Variants in MTREX observed in about 807,000 individuals in gnomAD.
MTREX encodes Mtr4 exosome RNA helicase.
Under a neutral mutation model 135.4 loss-of-function variants are expected in MTREX, and 76 were observed. The ratio of observed to expected loss-of-function variants is 0.56; its 90% confidence interval spans 0.47 to 0.68. The LOEUF is 0.68. Among genes scored for constraint, MTREX ranks in the 30% least tolerant of loss-of-function variants. The pLI, the probability that MTREX is intolerant of heterozygous loss-of-function variation, is 0.00. For synonymous variants in MTREX, 404 were observed against 401.6 expected (o/e 1.01, Z -0.07); for missense variants, 920 against 1,262.1 (o/e 0.73, Z 4.11).
chr5:55,397,667 C>G (rs188379357), intron 20 of MTREX, 141 bp downstream of exon 20: 1 of 486,542 alleles, frequency 2.1e-6, no homozygotes. Flanking sequence ...AATTATTTTT[C>G]ATAAAAATAA....
At chr5:55,317,762 C>T (rs1229192441) in intron 1 of MTREX, among the ~76,000 whole-genome samples, 1 of 152,072 alleles carries the variant, frequency 6.6e-6, no homozygotes, top group African/African-American at 2.4e-5. Flanking sequence ...GCAACAAAAG[C>T]AAAAATTGAC....
At chr5:55,349,296 C>G (rs192898671) in intron 11 of MTREX, among the ~76,000 whole-genome samples, 28 of 151,624 alleles carry the variant, frequency 1.8e-4, no homozygotes, top group African/African-American at 6.8e-4. Context: ...AGGTAGTCCT[C>G]CTGTCTCAGC....
At chr5:55,405,370 CT>C in intron 21 of MTREX, 54 bp from the exon 22 acceptor site, 2 of 1,413,948 alleles carry the variant, frequency 1.4e-6, no homozygotes, top group East Asian at 4.8e-5. Flanking sequence ...AATAAATCTC[CT>C]TGTACATTGT....
At position 55,343,320 on chromosome 5, in the gene MTREX, A is replaced by T; in HGVS notation, c.782-11A>T. ...CAACTATAGTCCAAAGTATATATTT[A>T]TTTTTTTCAGAACGTGGTGTAGTAT... On this transcript the variant is annotated splice_polypyrimidine_tract_variant and intron_variant, in intron 7 of 26. Transcript: ENST00000230640. 2 of 1,600,658 alleles carry T rather than the reference A, an allele frequency of 1.2e-6. No homozygotes were observed. Among genetic ancestry groups the T allele is most frequent in the South Asian group, 2.2e-5 (2 of 89,040 alleles).
chr5:55,327,064 A>G lies in MTREX; in HGVS notation c.340-652A>G, dbSNP rs531833425. Among the ~76,000 whole-genome samples, 68 of 152,316 alleles carry G rather than the reference A, an allele frequency of 4.5e-4. No homozygotes were observed. The East Asian group carries it at 0.012, about 26-fold the overall frequency. ...ATGGCTGCATAGTATTCCATGGTGT[A>G]TATGTGCCACATTTTCTTTATCCAG... On this transcript the variant is annotated intron_variant, in intron 3 of 26. Transcript: ENST00000230640.
chr5:55,325,488 C>T (rs921091574), intron 3 of MTREX, among the ~76,000 whole-genome samples: 5 of 151,114 alleles, frequency 3.3e-5, no homozygotes, highest in Admixed American at 1.3e-4. Flanking sequence ...CGTGCCACCA[C>T]GCTTGGCTAA....
At chr5:55,346,588 T>C in intron 10 of MTREX, among the ~76,000 whole-genome samples, 1 of 152,370 alleles carries the variant, frequency 6.6e-6, no homozygotes, top group African/African-American at 2.4e-5. Flanking sequence ...TGGTGGCTAA[T>C]GATGTTGAAC....
At chr5:55,339,259 T>C (rs1244194007) in intron 5 of MTREX, among the ~76,000 whole-genome samples, 1 of 152,224 alleles carries the variant, frequency 6.6e-6, no homozygotes, top group African/African-American at 2.4e-5. Context: ...GTATGTAGCA[T>C]TTCTGTATTT....
chr5:55,326,255 C>T (rs1487443699), intron 3 of MTREX, among the ~76,000 whole-genome samples: 1 of 152,016 alleles, frequency 6.6e-6, no homozygotes, highest in Non-Finnish European at 1.5e-5. Flanking sequence ...AAAAAATTAA[C>T]CAGGCATGGT....
chr5:55,333,845 C>A (rs1447132896), intron 5 of MTREX, among the ~76,000 whole-genome samples: 1 of 152,068 alleles, frequency 6.6e-6, no homozygotes, highest in Non-Finnish European at 1.5e-5. Context: ...ATTTCTACTC[C>A]TAGATTTGTA....
chr5:55,314,817 C>T (rs565072023), intron 1 of MTREX, among the ~76,000 whole-genome samples: 1 of 152,310 alleles, frequency 6.6e-6, no homozygotes, highest in East Asian at 1.9e-4. Flanking sequence ...AACTCTTCCA[C>T]CTTAGATCCT....
chr5:55,308,178 T>C, intron 1 of MTREX, 31 bp downstream of exon 1: 1 of 1,542,268 alleles, frequency 6.5e-7, no homozygotes. Flanking sequence ...GTTGCTTTTA[T>C]TTTTTTTCTC....
chr5:55,372,489 A>T (rs1270042761), intron 16 of MTREX, among the ~76,000 whole-genome samples: 1 of 142,932 alleles, frequency 7.0e-6, no homozygotes, highest in African/African-American at 2.7e-5. Flanking sequence ...TGTGTCTTTC[A>T]TCAGTCCCTA....
chr5:55,375,949 A>C (rs904130856), intron 16 of MTREX, among the ~76,000 whole-genome samples: 3 of 152,156 alleles, frequency 2.0e-5, no homozygotes, highest in African/African-American at 7.2e-5. Context: ...CATGGCGATG[A>C]AGCCTTGTTC....
chr5:55,314,715 C>T (rs543295404), intron 1 of MTREX, among the ~76,000 whole-genome samples: 1 of 152,316 alleles, frequency 6.6e-6, no homozygotes, highest in South Asian at 2.1e-4. Flanking sequence ...CTATTTTAAG[C>T]CAACCATCGC....
chr5:55,377,196 G>A lies in MTREX; in HGVS notation c.1811-1118G>A, dbSNP rs142826616. ...ACAAAAATTAGCTGGGCATGGTAGC[G>A]GGCGCCTGTAGTCCCAGCTACTCGG... On this transcript the variant is annotated intron_variant, in intron 16 of 26. Transcript: ENST00000230640. Among the ~76,000 whole-genome samples, 175 of 152,166 alleles carry A rather than the reference G, an allele frequency of 1.2e-3. 1 individual carries two copies. In the East Asian group the frequency reaches 0.024, roughly 21 times the overall value.
chr5:55,417,540 T>C (rs1225323165), intron 25 of MTREX, among the ~76,000 whole-genome samples: 1 of 152,212 alleles, frequency 6.6e-6, no homozygotes, highest in African/African-American at 2.4e-5. Context: ...CTTGGAGTAA[T>C]ACTAAACAGG....
chr5:55,319,414 A>G (rs1238862666), intron 1 of MTREX, among the ~76,000 whole-genome samples: 1 of 152,210 alleles, frequency 6.6e-6, no homozygotes, highest in Non-Finnish European at 1.5e-5. Context: ...GGTGTTGCCA[A>G]ATTCCTCTAT....
At chr5:55,353,847 G>C (rs941396291) in intron 14 of MTREX, among the ~76,000 whole-genome samples, 1 of 152,302 alleles carries the variant, frequency 6.6e-6, no homozygotes, top group African/African-American at 2.4e-5. Context: ...AGTGGTTTAT[G>C]AATGCTTTAA....
Sources: gnomAD v4.1 joint callset for allele counts (sites outside exome capture counted in the v4.1 genomes callset) on GRCh38, gnomAD v4.1.1 for gene constraint, MANE v1.5 for transcripts, NCBI Gene and HGNC (gene_info 2026-07-23, HGNC 2026-07-21) for gene names.